Variants in NRXN3 observed in about 807,000 individuals in gnomAD.
NRXN3 encodes the protein neurexin III.
NRXN3 carries 32 observed loss-of-function variants against 137.6 expected under a neutral mutation model. The ratio of observed to expected loss-of-function variants is 0.23; its 90% CI spans 0.18 to 0.31. The LOEUF (loss-of-function observed/expected upper bound fraction) is 0.31. Ranked by LOEUF, NRXN3 falls within the 10% of genes least tolerant of loss-of-function variation. The pLI is 1.00. For missense variants in NRXN3, 1,574 were observed against 2,062.5 expected (o/e 0.76, Z 4.59); for synonymous variants, 798 against 784.5 (o/e 1.02, Z -0.29).
At chr14:79,815,366 T>C (rs1367060720) in intron 20 of NRXN3, among the ~76,000 whole-genome samples, 1 of 152,214 alleles carries the variant, frequency 6.6e-6, no homozygotes, top group Non-Finnish European at 1.5e-5. Flanking sequence ...CCTAAAGATT[T>C]CAGATGAAAA....
chr14:79,265,008 G>A (rs2078229003), intron 15 of NRXN3, among the ~76,000 whole-genome samples: 1 of 151,860 alleles, frequency 6.6e-6, no homozygotes, highest in Admixed American at 6.6e-5. Flanking sequence ...AAACTAACTT[G>A]ATGTTGTATA....
At chr14:78,244,322 C>T (rs1057155993) in intron 2 of NRXN3, among the ~76,000 whole-genome samples, 4 of 151,870 alleles carry the variant, frequency 2.6e-5, no homozygotes, top group African/African-American at 4.8e-5. Context: ...CACAGCTACT[C>T]GCAAGGCTGA....
At chr14:79,730,475 A>G (rs1230212741) in intron 19 of NRXN3, among the ~76,000 whole-genome samples, 4 of 152,232 alleles carry the variant, frequency 2.6e-5, no homozygotes, top group Non-Finnish European at 5.9e-5. Flanking sequence ...TCAGCTGGTC[A>G]CTATGGTGAT....
At chr14:78,575,759 A>T (rs1402440438) in intron 4 of NRXN3, among the ~76,000 whole-genome samples, 1 of 152,198 alleles carries the variant, frequency 6.6e-6, no homozygotes, top group Non-Finnish European at 1.5e-5. Context: ...GGTGGTGGTG[A>T]TAATTTCAAG....
intron 19 of NRXN3, among the ~76,000 whole-genome samples, chr14:79,705,479 T>C (rs2098773992): frequency 6.6e-6 from 1 of 152,192 alleles, no homozygotes; most frequent in Non-Finnish European, 1.5e-5. Flanking sequence ...ATATTTGACT[T>C]TTTGCTTTTG....
At chr14:78,581,571 A>G (rs2096997310) in intron 4 of NRXN3, among the ~76,000 whole-genome samples, 2 of 152,234 alleles carry the variant, frequency 1.3e-5, no homozygotes, top group African/African-American at 2.4e-5. Flanking sequence ...TTAGGCGACA[A>G]TCAGACCATA....
intron 4 of NRXN3, among the ~76,000 whole-genome samples, chr14:78,587,968 T>G (rs554311127): frequency 5.3e-5 from 8 of 152,344 alleles, no homozygotes; most frequent in African/African-American, 1.9e-4. Flanking sequence ...AATTTTTTAC[T>G]TTTAACTTGA....
chr14:78,396,882 A>G (rs1046321044), intron 4 of NRXN3, among the ~76,000 whole-genome samples: 1 of 152,194 alleles, frequency 6.6e-6, no homozygotes, highest in Non-Finnish European at 1.5e-5. Flanking sequence ...GTAGGCTACA[A>G]GTCTGAGATC....
At chr14:79,533,542 A>G (rs574280311) in intron 16 of NRXN3, among the ~76,000 whole-genome samples, 1 of 152,240 alleles carries the variant, frequency 6.6e-6, no homozygotes, top group African/African-American at 2.4e-5. Context: ...AAAAAACATC[A>G]TCTGCTCTGT....
chr14:79,350,044 A>G lies in NRXN3; in HGVS notation c.3263-117177A>G, dbSNP rs137990253. Among the ~76,000 whole-genome samples, 232 of 152,336 alleles carry G rather than the reference A, an allele frequency of 1.5e-3. 1 individual carries two copies. The highest frequency in any genetic ancestry group is 5.4e-3 in the African/African-American group (225 of 41,562). The stretch of plus-strand genomic sequence containing the variant: ...ATACAGCCCATAATTTATGACTAGC[A>G]TTTCATATTAAAATTAAACATATTA... On this transcript the variant is annotated intron_variant, in intron 15 of 20. Coordinates refer to ENST00000335750, the MANE Select transcript of NRXN3 (RefSeq NM_001330195.2).
chr14:79,757,764 T>C (rs1215418186), intron 19 of NRXN3, among the ~76,000 whole-genome samples: 3 of 152,156 alleles, frequency 2.0e-5, no homozygotes, highest in African/African-American at 7.2e-5. Flanking sequence ...TTATGTGAGA[T>C]GAAGGATTAA....
intron 16 of NRXN3, among the ~76,000 whole-genome samples, chr14:79,604,500 G>T (rs566410057): frequency 9.9e-5 from 15 of 151,386 alleles, no homozygotes; most frequent in African/African-American, 2.7e-4. Flanking sequence ...CTCCAAAAGC[G>T]GTAGGATTAC....
At chr14:78,255,296 C>T (rs985881892) in intron 2 of NRXN3, among the ~76,000 whole-genome samples, 5 of 152,142 alleles carry the variant, frequency 3.3e-5, no homozygotes, top group Non-Finnish European at 7.4e-5. Flanking sequence ...GTCACCAACT[C>T]GTCTGTGGTT....
chr14:78,243,641 A>T lies in NRXN3; in HGVS notation c.548A>T (p.Asn183Ile). 6.3e-7 allele frequency: 1 copy of T among 1,598,288 alleles called. No individual in the cohort carries two copies. The highest frequency in any genetic ancestry group is 8.5e-7 in the Non-Finnish European group (1 of 1,179,788). ...KGLILDLKYG[N>I]SEPRLLGSRG... is the part of the protein sequence containing the mutation. Reference sequence around the variant, plus strand: ...TTAATTCTGGATCTCAAGTATGGAAACTCGGAGCCTCGGCTTCTGGGGAGC... The same window carrying T: ...TTAATTCTGGATCTCAAGTATGGAATCTCGGAGCCTCGGCTTCTGGGGAGC... The change falls in exon 2 of 21, where the codon AAC becomes ATC. Residue 183 changes from asparagine (N) to isoleucine (I), a missense_variant. Coordinates refer to ENST00000335750, the MANE Select transcript of NRXN3 (RefSeq NM_001330195.2). The surrounding 1 kb of genome is among the most constrained non-coding windows in gnomAD (Gnocchi z 4.2).
intron 16 of NRXN3, among the ~76,000 whole-genome samples, chr14:79,650,507 G>A (rs1230368361): frequency 6.6e-6 from 1 of 152,158 alleles, no homozygotes; most frequent in Non-Finnish European, 1.5e-5. Context: ...GAAACTGGGT[G>A]CAGAGTATTT....
At chr14:79,719,419 T>C (rs577204614) in intron 19 of NRXN3, among the ~76,000 whole-genome samples, 2 of 151,506 alleles carry the variant, frequency 1.3e-5, no homozygotes, top group Non-Finnish European at 2.9e-5. Flanking sequence ...TATATATATA[T>C]ACCTTTCCCA....
At chr14:79,132,634 T>C (rs1297843674) in intron 15 of NRXN3, among the ~76,000 whole-genome samples, 1 of 152,226 alleles carries the variant, frequency 6.6e-6, no homozygotes, top group East Asian at 1.9e-4. Flanking sequence ...TTAGGCAACA[T>C]AATGCAAATT....
At chr14:79,500,027 G>A (rs1479344454) in intron 16 of NRXN3, among the ~76,000 whole-genome samples, 3 of 150,834 alleles carry the variant, frequency 2.0e-5, no homozygotes, top group Non-Finnish European at 4.4e-5. Context: ...CTAATGCAAT[G>A]TAAGAAGTGT....
intron 15 of NRXN3, among the ~76,000 whole-genome samples, chr14:79,191,503 T>C (rs2064307916): frequency 6.6e-6 from 1 of 152,218 alleles, no homozygotes; most frequent in African/African-American, 2.4e-5. Context: ...TGCATAACTA[T>C]GTTCCCACTT....
Sources: allele counts gnomAD v4.1 joint callset (sites outside exome capture counted in the v4.1 genomes callset), GRCh38; gene constraint gnomAD v4.1.1; non-coding constraint Gnocchi (gnomAD v3.1); transcripts MANE v1.5; gene names NCBI Gene and HGNC (gene_info 2026-07-23, HGNC 2026-07-21).